Variants in SGCZ observed in about 807,000 individuals in gnomAD.
SGCZ encodes zeta-sarcoglycan.
In SGCZ, 40 loss-of-function variants were observed where a neutral mutation model predicts 41.3. The observed-to-expected ratio is 0.97, with a 90% CI of 0.75 to 1.26. The LOEUF (loss-of-function observed/expected upper bound fraction) is 1.26. SGCZ is among the 50% of genes most tolerant of loss of function. The pLI, the probability that SGCZ is intolerant of heterozygous loss-of-function variation, is 0.00. For missense variants in SGCZ, 552 were observed against 369.8 expected (o/e 1.49, Z -4.04); for synonymous variants, 206 against 137.5 (o/e 1.50, Z -3.49).
intron 5 of SGCZ, among the ~76,000 whole-genome samples, chr8:14,141,861 G>T (rs1803381017): frequency 6.6e-6 from 1 of 152,282 alleles, no homozygotes; most frequent in African/African-American, 2.4e-5. Context: ...AAAGACACAT[G>T]CACACGTATG....
At chr8:14,594,702 T>A (rs950508630) in intron 1 of SGCZ, among the ~76,000 whole-genome samples, 2 of 151,942 alleles carry the variant, frequency 1.3e-5, no homozygotes, top group Admixed American at 1.3e-4. Flanking sequence ...AAATAAAATA[T>A]GAATAACTGT....
chr8:15,234,461 C>T (rs958347396), intron 1 of SGCZ, among the ~76,000 whole-genome samples: 2 of 152,184 alleles, frequency 1.3e-5, no homozygotes, highest in African/African-American at 4.8e-5. Flanking sequence ...AAAGAACACA[C>T]ACATTCTTTG....
intron 2 of SGCZ, among the ~76,000 whole-genome samples, chr8:14,337,583 T>C (rs534610940): frequency 5.6e-4 from 85 of 152,216 alleles, no homozygotes; most frequent in African/African-American, 2.0e-3. Context: ...AATACCAGAA[T>C]TGCTATGGCA....
At chr8:14,339,241 G>A (rs562652216) in intron 2 of SGCZ, among the ~76,000 whole-genome samples, 44 of 152,154 alleles carry the variant, frequency 2.9e-4, no homozygotes, top group African/African-American at 1.0e-3. Flanking sequence ...GTGTGTAATC[G>A]CTCAAGGCCA....
At chr8:14,126,782 C>T (rs1802874660) in intron 5 of SGCZ, among the ~76,000 whole-genome samples, 1 of 152,178 alleles carries the variant, frequency 6.6e-6, no homozygotes, top group Non-Finnish European at 1.5e-5. Flanking sequence ...GGTGCATATA[C>T]ACCACGGAAT....
At chr8:14,738,209 A>G (rs1204773805) in intron 1 of SGCZ, among the ~76,000 whole-genome samples, 1 of 151,930 alleles carries the variant, frequency 6.6e-6, no homozygotes, top group Non-Finnish European at 1.5e-5. Context: ...ATTTCCCATC[A>G]TTTATCTTCT....
At chr8:14,338,986 A>G (rs1238847798) in intron 2 of SGCZ, among the ~76,000 whole-genome samples, 1 of 152,200 alleles carries the variant, frequency 6.6e-6, no homozygotes, top group Non-Finnish European at 1.5e-5. Flanking sequence ...ATGCTCAAAA[A>G]TGAAATTGAA....
intron 1 of SGCZ, among the ~76,000 whole-genome samples, chr8:14,777,668 G>C (rs1800451051): frequency 2.0e-5 from 3 of 152,102 alleles, no homozygotes; most frequent in Non-Finnish European, 4.4e-5. Context: ...AGTATTTAGA[G>C]GACATGATGT....
At chr8:15,180,546 G>A (rs966542338) in intron 1 of SGCZ, among the ~76,000 whole-genome samples, 1 of 151,670 alleles carries the variant, frequency 6.6e-6, no homozygotes, top group East Asian at 1.9e-4. Context: ...TACATATGAA[G>A]GGGTCACAAA....
intron 2 of SGCZ, among the ~76,000 whole-genome samples, chr8:14,374,865 T>C (rs1804054864): frequency 6.6e-6 from 1 of 152,132 alleles, no homozygotes; most frequent in African/African-American, 2.4e-5. Context: ...AAAGGGTACA[T>C]CCTGATGAAG....
chr8:14,837,990 T>A (rs1359113694), intron 1 of SGCZ, among the ~76,000 whole-genome samples: 1 of 152,142 alleles, frequency 6.6e-6, no homozygotes, highest in Non-Finnish European at 1.5e-5. Flanking sequence ...ATATACACAA[T>A]GTAATATTAT....
intron 1 of SGCZ, among the ~76,000 whole-genome samples, chr8:14,665,091 C>A (rs997575329): frequency 6.6e-6 from 1 of 152,090 alleles, no homozygotes; most frequent in Non-Finnish European, 1.5e-5. Context: ...GTATACATGC[C>A]ATGTTGGTGT....
At chr8:14,814,054 T>G (rs1801819945) in intron 1 of SGCZ, among the ~76,000 whole-genome samples, 1 of 152,142 alleles carries the variant, frequency 6.6e-6, no homozygotes, top group African/African-American at 2.4e-5. Context: ...TATGCAGCAC[T>G]TAATAGACAT....
intron 1 of SGCZ, among the ~76,000 whole-genome samples, chr8:14,714,559 A>G (rs1484352805): frequency 1.3e-5 from 2 of 152,126 alleles, no homozygotes; most frequent in Admixed American, 6.5e-5. Flanking sequence ...AAACCACTCA[A>G]TTTGTCTTAG....
At chr8:14,147,637 C>T (rs1214326354) in intron 5 of SGCZ, among the ~76,000 whole-genome samples, 2 of 152,172 alleles carry the variant, frequency 1.3e-5, no homozygotes, top group East Asian at 1.9e-4. Flanking sequence ...ACCCCACTTT[C>T]AGCATTGGAC....
intron 5 of SGCZ, among the ~76,000 whole-genome samples, chr8:14,109,114 C>T (rs1180297311): frequency 6.6e-6 from 1 of 152,218 alleles, no homozygotes; most frequent in African/African-American, 2.4e-5. Context: ...TGTCATGTTA[C>T]TTTGACCTCT....
chr8:14,477,149 A>C (rs1386796266), intron 2 of SGCZ, among the ~76,000 whole-genome samples: 1 of 152,160 alleles, frequency 6.6e-6, no homozygotes, highest in African/African-American at 2.4e-5. Flanking sequence ...TGACTAATTT[A>C]CAGTAATAGA....
chr8:14,227,285 T>A (rs146193919), intron 4 of SGCZ, among the ~76,000 whole-genome samples: 2 of 152,186 alleles, frequency 1.3e-5, no homozygotes, highest in Non-Finnish European at 2.9e-5. Flanking sequence ...AATTATGACA[T>A]GAGAAAAGGT....
Position 15,073,690 on chromosome 8 carries a change from A to C in SGCZ, c.39+163895T>G, listed in dbSNP as rs201001002. ...ATGACCTCAAGACTGCAACATAGAA[A>C]CTCTGCCTGAGCTTCCAGCCTTGCT... is the stretch of plus-strand genomic sequence containing the variant. On this transcript the variant is annotated intron_variant, in intron 1 of 7. Transcript: ENST00000382080. 3.9e-5 allele frequency among the ~76,000 whole-genome samples: 6 copies of C among 152,158 alleles called. 1 individual carries two copies. The East Asian group carries it at 1.2e-3, about 29-fold the overall frequency.
Sources: allele counts gnomAD v4.1 joint callset (sites outside exome capture counted in the v4.1 genomes callset), GRCh38; gene constraint gnomAD v4.1.1; transcripts MANE v1.5; gene names NCBI Gene and HGNC (gene_info 2026-07-23, HGNC 2026-07-21).